Variants in GRIA3 observed in about 807,000 individuals in gnomAD.
GRIA3 encodes glutamate receptor 3.
GRIA3 carries 3 observed loss-of-function variants against 63.0 expected under a neutral mutation model. The ratio of observed to expected loss-of-function variants is 0.05; its 90% CI spans 0.02 to 0.12. GRIA3 has a LOEUF of 0.12. GRIA3 is among the 10% of genes least tolerant of loss of function. The probability of loss-of-function intolerance (pLI) is 1.00; values close to 1 mark genes in which losing one functional copy is unlikely to be tolerated. For missense variants in GRIA3, 347 were observed against 700.9 expected, an observed-to-expected ratio of 0.50 and a Z score of 5.70; for synonymous variants, 274 against 257.9, an observed-to-expected ratio of 1.06 and a Z score of -0.60.
intron 5 of GRIA3, among the ~76,000 whole-genome samples, chrX:123,388,660 T>C (rs752074370): frequency 2.9e-4 from 33 of 112,432 alleles, no homozygotes; most frequent in Non-Finnish European, 5.3e-4. Flanking sequence ...ATTGATTTTA[T>C]CTTTTGAAAA....
chrX:123,479,986 A>T, intron 13 of GRIA3, 77 bp from the exon 14 acceptor site: 1 of 722,273 alleles, frequency 1.4e-6, no homozygotes, highest in Non-Finnish European at 2.2e-6. Flanking sequence ...CGCTTTCTAT[A>T]GTTTTAAAGT....
At chrX:123,391,985 G>A (rs2045389141) in intron 5 of GRIA3, among the ~76,000 whole-genome samples, 1 of 111,971 alleles carries the variant, frequency 8.9e-6, no homozygotes, top group South Asian at 3.7e-4. Context: ...GAATTGAGGG[G>A]AGTAGAGCCA....
At chrX:123,300,318 T>G (rs1266026683) in intron 3 of GRIA3, among the ~76,000 whole-genome samples, 3 of 106,515 alleles carry the variant, frequency 2.8e-5, no homozygotes, top group Non-Finnish European at 5.8e-5. Context: ...CTCTTCTTTG[T>G]ACATGTGGTA....
At chrX:123,193,229 G>A (rs756327845) in intron 2 of GRIA3, among the ~76,000 whole-genome samples, 8 of 109,144 alleles carry the variant, frequency 7.3e-5, no homozygotes, top group Admixed American at 2.0e-4. Context: ...CAGGTTCAGC[G>A]AGGAAGTAGC....
intron 13 of GRIA3, among the ~76,000 whole-genome samples, chrX:123,468,854 A>G (rs1405360989): frequency 8.9e-6 from 1 of 112,598 alleles, no homozygotes; most frequent in Non-Finnish European, 1.9e-5. Context: ...GATGGTGATG[A>G]CTTTGAGAAG....
intron 3 of GRIA3, among the ~76,000 whole-genome samples, chrX:123,280,403 G>A (rs189992645): frequency 1.3e-3 from 145 of 111,858 alleles, no homozygotes; most frequent in Middle Eastern, 4.6e-3. Context: ...GTTCTGTGGC[G>A]GAATGCCAAA....
chrX:123,279,579 G>A (rs2044573779), intron 3 of GRIA3, among the ~76,000 whole-genome samples: 1 of 111,682 alleles, frequency 9.0e-6, no homozygotes, highest in South Asian at 3.7e-4. Flanking sequence ...GAATTGCTTT[G>A]TTTCAAGGAA....
chrX:123,209,976 C>T (rs1324387768), intron 2 of GRIA3, among the ~76,000 whole-genome samples: 3 of 109,615 alleles, frequency 2.7e-5, no homozygotes, highest in South Asian at 7.9e-4. Flanking sequence ...TGGGTTTTAC[C>T]GTGATTTTGT....
chrX:123,381,741 A>G (rs1198684310), intron 5 of GRIA3, among the ~76,000 whole-genome samples: 1 of 111,819 alleles, frequency 8.9e-6, no homozygotes, highest in Non-Finnish European at 1.9e-5. Context: ...GTGGTCACTT[A>G]AAGAGTGGAA....
In GRIA3 at chrX:123,405,025, T is replaced by C. The variant is rs896963558; in HGVS notation, c.1500+111T>C. The stretch of plus-strand genomic sequence containing the variant: ...TTTATCCAATTGTATAGTTTACATA[T>C]AGTCTACAAGAAAAATATATTCTTC... On this transcript the variant is annotated intron_variant, in intron 10 of 15. Transcript: ENST00000620443. The C allele has an allele frequency of 2.0e-5, 12 of 608,349 alleles. No homozygotes were observed. The Admixed American group carries it at 2.8e-4, about 14-fold the overall frequency. The allele number at this position is 608,349 out of a possible 1,213,427, so 50.1% of individuals were successfully genotyped here.
At chrX:123,406,145 G>A (rs1306425555) in intron 10 of GRIA3, among the ~76,000 whole-genome samples, 1 of 112,646 alleles carries the variant, frequency 8.9e-6, no homozygotes, top group Non-Finnish European at 1.9e-5. Flanking sequence ...GCAGCTTAAT[G>A]AGGCACATGT....
At chrX:123,309,317 A>G (rs1027623279) in intron 3 of GRIA3, among the ~76,000 whole-genome samples, 1 of 109,240 alleles carries the variant, frequency 9.2e-6, no homozygotes, top group Non-Finnish European at 1.9e-5. Flanking sequence ...CAGTGAGCCA[A>G]GATCGTGCCA....
chrX:123,189,184 T>C (rs1927358299), intron 2 of GRIA3, among the ~76,000 whole-genome samples: 1 of 112,375 alleles, frequency 8.9e-6, no homozygotes, highest in Admixed American at 9.4e-5. Flanking sequence ...TGAGGATTAA[T>C]AGAGTTTGCT....
In GRIA3 at chrX:123,326,057, A is replaced by G. The variant is rs1180376023; in HGVS notation, c.540A>G (p.Ala180=). ...GFSILQAIME[A]AVQNNWQVTA... is the part of the protein sequence containing the mutation. Reference sequence around the variant, plus strand: ...CCATCCTCCAAGCGATTATGGAAGCAGCAGTGCAAAACAACTGGCAAGTAA... The same window carrying G: ...CCATCCTCCAAGCGATTATGGAAGCGGCAGTGCAAAACAACTGGCAAGTAA... Residue 180 remains alanine (A), a synonymous_variant, in exon 4 of 16, where the codon GCA becomes GCG. Transcript: ENST00000620443. 8.3e-6 allele frequency: 10 copies of G among 1,207,076 alleles called. No homozygotes were observed. The highest frequency in any genetic ancestry group is 1.0e-5 in the Non-Finnish European group (9 of 892,618).
chrX:123,242,772 G>A (rs949737407), intron 2 of GRIA3, among the ~76,000 whole-genome samples: 2 of 112,663 alleles, frequency 1.8e-5, no homozygotes, highest in Admixed American at 9.4e-5. Context: ...TAGCATTGCT[G>A]GGTTACAAAT....
intron 2 of GRIA3, among the ~76,000 whole-genome samples, chrX:123,245,937 G>A (rs2044356723): frequency 9.0e-6 from 1 of 111,514 alleles, no homozygotes; most frequent in African/African-American, 3.3e-5. Flanking sequence ...ACTACAGTGT[G>A]GCACTCAAGA....
At chrX:123,483,161 CAACCA>C in intron 15 of GRIA3, 115 bp downstream of exon 15, 1 of 610,488 alleles carries the variant, frequency 1.6e-6, no homozygotes, top group Admixed American at 2.9e-5. Flanking sequence ...TGTCTCTTTG[CAACCA>C]TTTGATTCTT....
chrX:123,335,771 A>G (rs1444965687), intron 4 of GRIA3, among the ~76,000 whole-genome samples: 5 of 111,726 alleles, frequency 4.5e-5, no homozygotes, highest in Non-Finnish European at 9.4e-5. Flanking sequence ...TCATCCCTCC[A>G]TAGGCAGTGA....
At position 123,295,014 on chromosome X, in the gene GRIA3, G is replaced by C. The variant is rs775592167; in HGVS notation, c.509-31012G>C. Among the ~76,000 whole-genome samples, 3 of 111,961 alleles carry C rather than the reference G, an allele frequency of 2.7e-5. No homozygotes were observed. In the South Asian group the frequency reaches 1.1e-3, roughly 41 times the overall value. ...AGTCTATTCAACTGGGATTCAAACA[G>C]TTAAAGATTACAAATGGCTTTCATT... On this transcript the variant is annotated intron_variant, in intron 3 of 15. Coordinates refer to ENST00000620443, the MANE Select transcript of GRIA3 (RefSeq NM_007325.5).
Sources: gnomAD v4.1 joint callset for allele counts (sites outside exome capture counted in the v4.1 genomes callset) on GRCh38, gnomAD v4.1.1 for gene constraint, MANE v1.5 for transcripts, NCBI Gene and HGNC (gene_info 2026-07-23, HGNC 2026-07-21) for gene names.